The following ZNF431 variants were observed in gnomAD, a reference collection of about 807,000 sequenced individuals.
The protein encoded by ZNF431 is zinc finger protein 431.
Under a neutral mutation model 57.0 loss-of-function variants are expected in ZNF431, and 34 were observed. That is an observed-to-expected ratio of 0.60 (90% CI 0.45 to 0.79). ZNF431 has a LOEUF of 0.79. Ranked by LOEUF, ZNF431 falls within the 30% of genes least tolerant of loss-of-function variation. ZNF431 has a pLI of 0.00. For missense variants in ZNF431, 607 were observed against 667.1 expected (o/e 0.91, Z 0.99); for synonymous variants, 207 against 220.3 (o/e 0.94, Z 0.54).
intron 4 of ZNF431, among the ~76,000 whole-genome samples, chr19:21,171,854 G>A (rs1347184661): frequency 6.6e-6 from 1 of 150,502 alleles, no homozygotes; most frequent in Non-Finnish European, 1.5e-5. Flanking sequence ...CTGAGTTGCT[G>A]GGACTACAGG....
At position 21,147,299 on chromosome 19, in the gene ZNF431, C is replaced by G. The variant is rs151055764; in HGVS notation, c.96+3656C>G. ...GTCAGGAGTTCAAGACCAGCCTGAT[C>G]AACATGGTGAAACCCTGTCTCTACT... On this transcript the variant is annotated intron_variant, in intron 2 of 4. Coordinates refer to ENST00000311048, the MANE Select transcript of ZNF431 (RefSeq NM_133473.4). Among the ~76,000 whole-genome samples, 963 of 152,116 alleles carry G rather than the reference C, an allele frequency of 6.3e-3. 11 individuals are homozygous for G. Among genetic ancestry groups the G allele is most frequent in the South Asian group, 0.02 (97 of 4,804 alleles).
chr19:21,172,753 G>A (rs2145016333), intron 4 of ZNF431, among the ~76,000 whole-genome samples: 2 of 152,290 alleles, frequency 1.3e-5, no homozygotes, highest in Admixed American at 1.3e-4. Context: ...AGACATAATT[G>A]TGCCGCTGCA....
intron 2 of ZNF431, among the ~76,000 whole-genome samples, chr19:21,147,565 G>T (rs1282219062): frequency 6.7e-6 from 1 of 149,464 alleles, no homozygotes; most frequent in South Asian, 2.1e-4. Flanking sequence ...ACCAACACAA[G>T]ATGATTGTCT....
rs969578208 is a variant in ZNF431, at chr19:21,191,362, G to A, written c.*7328G>A. ...CAGCTACTCAGGAGGCTGAGGCAGG[G>A]GAACGGCTTAAACCCAGAGGCGGAG... On this transcript the variant is annotated 3_prime_UTR_variant, in exon 5 of 5. Transcript: ENST00000311048. The A allele has an allele frequency of 2.0e-5, 3 of 151,942 alleles. No homozygotes were observed. The South Asian group carries it at 6.2e-4, about 32-fold the overall frequency. 9.4% of individuals were successfully genotyped at this position (151,942 alleles called of 1,614,324 possible). A position where few individuals can be genotyped will look rare whatever the true frequency, so the allele number is the denominator to read the frequency against.
intron 2 of ZNF431, among the ~76,000 whole-genome samples, chr19:21,145,948 A>G (rs1207658515): frequency 6.6e-6 from 1 of 152,178 alleles, no homozygotes; most frequent in African/African-American, 2.4e-5. Flanking sequence ...GAGACATAAA[A>G]TAAGGTTGTA....
intron 2 of ZNF431, among the ~76,000 whole-genome samples, chr19:21,152,279 G>T (rs1009833041): frequency 6.6e-6 from 1 of 152,194 alleles, no homozygotes; most frequent in South Asian, 2.1e-4. Context: ...AGGGTAGGAA[G>T]GCAAAGAGCT....
At chr19:21,181,600 C>T (rs1241927542) in intron 4 of ZNF431, among the ~76,000 whole-genome samples, 1 of 151,710 alleles carries the variant, frequency 6.6e-6, no homozygotes, top group Non-Finnish European at 1.5e-5. Context: ...TGTTGAGCTT[C>T]TTCATTTTGA....
intron 2 of ZNF431, chr19:21,150,369 C>T: frequency 2.7e-6 from 1 of 372,960 alleles, no homozygotes; most frequent in Non-Finnish European, 5.1e-6. Context: ...ACTTTCTTGG[C>T]CTCCTGCTTC....
At position 21,194,570 on chromosome 19, in the gene ZNF431, G is replaced by C. The variant is rs1470812560; in HGVS notation, c.*10536G>C. On this transcript the variant is annotated 3_prime_UTR_variant, in exon 5 of 5. Coordinates refer to ENST00000311048, the MANE Select transcript of ZNF431 (RefSeq NM_133473.4). ...TGTAACCTCCACCTCCTGGGTTCAAGTGAGTCTCCTACCTCAGCCTCCCAA... is the reference window on the plus strand; with the variant it reads ...TGTAACCTCCACCTCCTGGGTTCAACTGAGTCTCCTACCTCAGCCTCCCAA... 1 of 151,688 alleles carries C rather than the reference G, an allele frequency of 6.6e-6. No homozygotes were observed. The highest frequency in any genetic ancestry group is 2.4e-5 in the African/African-American group (1 of 41,262). The allele number at this position is 151,688 out of a possible 1,614,324, so 9.4% of individuals were successfully genotyped here.
chr19:21,170,166 C>T (rs1184440082), intron 4 of ZNF431, among the ~76,000 whole-genome samples: 1 of 152,158 alleles, frequency 6.6e-6, no homozygotes, highest in Admixed American at 6.5e-5. Flanking sequence ...TCAAAGCTCT[C>T]TTAAAGGCAC....
At chr19:21,161,944 G>A (rs971652764) in intron 2 of ZNF431, among the ~76,000 whole-genome samples, 3 of 151,774 alleles carry the variant, frequency 2.0e-5, no homozygotes, top group Non-Finnish European at 2.9e-5. Context: ...GTGAGCCACC[G>A]CACCAAGCGT....
chr19:21,191,470 G>T lies in ZNF431; in HGVS notation c.*7436G>T, dbSNP rs1971508654. 6.6e-6 allele frequency: 1 copy of T among 151,694 alleles called. No individual in the cohort carries two copies. The highest frequency in any genetic ancestry group is 1.5e-5 in the Non-Finnish European group (1 of 67,910). 9.4% of individuals were successfully genotyped at this position (151,694 alleles called of 1,614,324 possible). On this transcript the variant is annotated 3_prime_UTR_variant, in exon 5 of 5. Transcript: ENST00000311048. ...CTGTCTCAAAAAAAAAAAAAAATTT[G>T]CTGCCCAGAACAATGTTATAGGGCT...
intron 2 of ZNF431, among the ~76,000 whole-genome samples, chr19:21,154,013 T>C (rs1470242308): frequency 1.3e-5 from 2 of 152,118 alleles, no homozygotes; most frequent in Admixed American, 1.3e-4. Flanking sequence ...GCCGCACCCA[T>C]TGGGAGTCCC....
chr19:21,171,553 A>G (rs944424473), intron 4 of ZNF431, among the ~76,000 whole-genome samples: 1 of 151,902 alleles, frequency 6.6e-6, no homozygotes, highest in African/African-American at 2.4e-5. Context: ...GTGTTTATCT[A>G]TAAATATGAC....
rs965015692 is a variant in ZNF431, at chr19:21,188,626, ATATT to A, written c.*4594_*4597del. On this transcript the variant is annotated 3_prime_UTR_variant, in exon 5 of 5. Transcript: ENST00000311048. The stretch of plus-strand genomic sequence containing the variant: ...GAGAAATTTTTCACTCATTTTTTAT[ATATT>A]TTTTAGTGGGAGAGGTTTAGTCTAC... 1.3e-5 allele frequency: 2 copies of A among 152,104 alleles called. No homozygotes were observed. Among genetic ancestry groups the A allele is most frequent in the Non-Finnish European group, 2.9e-5 (2 of 68,000 alleles). The allele number at this position is 152,104 out of a possible 1,614,324, so 9.4% of individuals were successfully genotyped here. A position where few individuals can be genotyped will look rare whatever the true frequency, so the allele number is the denominator to read the frequency against.
intron 3 of ZNF431, 31 bp downstream of exon 3, chr19:21,166,492 T>C (rs1970724640): frequency 1.3e-6 from 2 of 1,579,548 alleles, no homozygotes; most frequent in East Asian, 2.3e-5. Flanking sequence ...CAATTCTTAA[T>C]ATGCCCTAAA....
intron 2 of ZNF431, among the ~76,000 whole-genome samples, chr19:21,157,869 T>C (rs946531446): frequency 2.0e-5 from 3 of 150,790 alleles, no homozygotes; most frequent in African/African-American, 7.3e-5. Flanking sequence ...TTTTTTGCTC[T>C]GTATTCTGCT....
In ZNF431 at chr19:21,188,238, AC is replaced by A. The variant is rs1265479641; in HGVS notation, c.*4205del. 1 of 151,292 alleles carries A rather than the reference AC, an allele frequency of 6.6e-6. No individual in the cohort carries two copies. The highest frequency in any genetic ancestry group is 1.5e-5 in the Non-Finnish European group (1 of 68,010). The allele number at this position is 151,292 out of a possible 1,614,324, so 9.4% of individuals were successfully genotyped here. ...GGGCCACTGCACTTCAGCCTGGGCA[AC>A]AAGAGCGAAATTCTGTCTAAAAAAA... On this transcript the variant is annotated 3_prime_UTR_variant, in exon 5 of 5. Coordinates refer to ENST00000311048, the MANE Select transcript of ZNF431 (RefSeq NM_133473.4).
intron 4 of ZNF431, among the ~76,000 whole-genome samples, chr19:21,176,543 T>A (rs562628113): frequency 1.3e-5 from 2 of 151,884 alleles, no homozygotes; most frequent in African/African-American, 4.8e-5. Context: ...GTGCCCGGCC[T>A]TTGTTCACTT....
Sources: gnomAD v4.1 joint callset for allele counts (sites outside exome capture counted in the v4.1 genomes callset) on GRCh38, gnomAD v4.1.1 for gene constraint, MANE v1.5 for transcripts, NCBI Gene and HGNC (gene_info 2026-07-23, HGNC 2026-07-21) for gene names.